The following AGAP1 variants were observed in gnomAD, a reference collection of about 807,000 sequenced individuals.
AGAP1 encodes the protein ArfGAP with GTPase domain, ankyrin repeat and PH domain 1.
A neutral mutation model predicts 105.3 loss-of-function variants in AGAP1; 29 were observed. That is an observed-to-expected ratio of 0.28 (90% confidence interval 0.21 to 0.38). The LOEUF is 0.38. Among genes scored for constraint, AGAP1 ranks in the 10% least tolerant of loss-of-function variants. AGAP1 has a pLI of 1.00. For missense variants in AGAP1, 998 were observed against 1,165.1 expected (o/e 0.86, Z 2.09); for synonymous variants, 509 against 485.9 (o/e 1.05, Z -0.63).
At chr2:236,006,506 G>C (rs2056327912) in intron 13 of AGAP1, among the ~76,000 whole-genome samples, 1 of 152,122 alleles carries the variant, frequency 6.6e-6, no homozygotes, top group African/African-American at 2.4e-5. Flanking sequence ...GTAACCATCT[G>C]TATCTATATT....
rs982231810 is a variant in AGAP1, at chr2:236,080,429, C to A, written c.2114+31148C>A. ...GTTTGCAACCAGACAAGTTTAGAGGCCTGTGGAATTCCCAGGCCAAGGGAA... is the reference window on the plus strand; with the variant it reads ...GTTTGCAACCAGACAAGTTTAGAGGACTGTGGAATTCCCAGGCCAAGGGAA... On this transcript the variant is annotated intron_variant, in intron 16 of 17. Coordinates refer to ENST00000304032, the MANE Select transcript of AGAP1 (RefSeq NM_001037131.3). This position sits in a 1 kb window ranked among gnomAD's most constrained non-coding sequence, Gnocchi z 4.2. 6.6e-5 allele frequency among the ~76,000 whole-genome samples: 10 copies of A among 152,160 alleles called. No homozygotes were observed. The highest frequency in any genetic ancestry group is 5.2e-4 in the Admixed American group (8 of 15,274).
chr2:235,609,609 G>A lies in AGAP1; in HGVS notation c.164-99570G>A, dbSNP rs1338515715. Among the ~76,000 whole-genome samples, 2 of 152,222 alleles carry A rather than the reference G, an allele frequency of 1.3e-5. No individual in the cohort carries two copies. Among genetic ancestry groups the A allele is most frequent in the Non-Finnish European group, 2.9e-5 (2 of 68,024 alleles). On this transcript the variant is annotated intron_variant, in intron 1 of 17. Coordinates refer to ENST00000304032, the MANE Select transcript of AGAP1 (RefSeq NM_001037131.3). The surrounding 1 kb of genome is among the most constrained non-coding windows in gnomAD (Gnocchi z 5.1). ...CCGGACCTGCATGCGCGCTGAGGAT[G>A]GCAGAGGGGCTCCTGCCTGTCTCAG...
Position 235,739,382 on chromosome 2 carries a change from T to A in AGAP1, c.311-1581T>A, listed in dbSNP as rs1952444313. 6.6e-6 allele frequency among the ~76,000 whole-genome samples: 1 copy of A among 152,234 alleles called. No homozygotes were observed. Among genetic ancestry groups the A allele is most frequent in the African/African-American group, 2.4e-5 (1 of 41,464 alleles). On this transcript the variant is annotated intron_variant, in intron 3 of 17. Coordinates refer to ENST00000304032, the MANE Select transcript of AGAP1 (RefSeq NM_001037131.3). This position sits in a 1 kb window ranked among gnomAD's most constrained non-coding sequence, Gnocchi z 5.3. ...ACGAGGACTCTCGATTCAGGGACCC[T>A]GAGTCTTTGGGACCCTCGTGCAGCT...
Position 235,828,991 on chromosome 2 carries a change from T to G in AGAP1, c.1050+21660T>G, listed in dbSNP as rs80120005. On this transcript the variant is annotated intron_variant, in intron 9 of 17. Transcript: ENST00000304032. ...GGTGTCATTGTCTTAAGATGCAGTT[T>G]TGTGGACTGGTACAGAGTTCAGTCT... is the stretch of plus-strand genomic sequence containing the variant. Among the ~76,000 whole-genome samples, 476 of 152,328 alleles carry G rather than the reference T, an allele frequency of 3.1e-3. 6 individuals are homozygous for G. Among genetic ancestry groups the G allele is most frequent in the African/African-American group, 0.011 (461 of 41,586 alleles).
At chr2:235,852,703 C>T in intron 9 of AGAP1, 1 of 1,517,224 alleles carries the variant, frequency 6.6e-7, no homozygotes, top group Non-Finnish European at 8.8e-7. Context: ...CCTTCTTTGT[C>T]CTTGCACTGA....
At chr2:235,833,857 T>TGG (rs200031758) in intron 9 of AGAP1, among the ~76,000 whole-genome samples, 5 of 133,296 alleles carry the variant, frequency 3.8e-5, no homozygotes, top group African/African-American at 1.9e-4. Context: ...CCAATCTGGT[T>TGG]TTTTTTTTTT....
chr2:235,897,851 G>A (rs1406226289), intron 10 of AGAP1, among the ~76,000 whole-genome samples: 1 of 152,144 alleles, frequency 6.6e-6, no homozygotes, highest in Admixed American at 6.5e-5. Context: ...TTGCGGGCTT[G>A]TTGCTGAGGT....
rs1440870906 is a variant in AGAP1 at position 235,625,199 on chromosome 2, C to T, written c.164-83980C>T. Among the ~76,000 whole-genome samples the T allele has an allele frequency of 6.6e-6, 1 of 152,156 alleles. No individual in the cohort carries two copies. The highest frequency in any genetic ancestry group is 1.5e-5 in the Non-Finnish European group (1 of 68,040). ...GGTGTTGCTCTTCTTTCCTTCATGA[C>T]CTTGAACTCTCTGACTCCAGCAGTC... On this transcript the variant is annotated intron_variant, in intron 1 of 17. Transcript: ENST00000304032. The surrounding 1 kb of genome is among the most constrained non-coding windows in gnomAD (Gnocchi z 4.0).
At chr2:235,526,517 T>G (rs1942845378) in intron 1 of AGAP1, among the ~76,000 whole-genome samples, 1 of 152,226 alleles carries the variant, frequency 6.6e-6, no homozygotes, top group African/African-American at 2.4e-5. Flanking sequence ...CATTTGAAAT[T>G]ATAGACTATC....
intron 1 of AGAP1, among the ~76,000 whole-genome samples, chr2:235,546,692 C>T (rs1943632586): frequency 6.6e-6 from 1 of 152,082 alleles, no homozygotes. Flanking sequence ...CTTGTCTTCT[C>T]ACCGGCCGGT....
At chr2:235,745,989 G>A (rs1186389677) in intron 5 of AGAP1, among the ~76,000 whole-genome samples, 1 of 152,198 alleles carries the variant, frequency 6.6e-6, no homozygotes, top group African/African-American at 2.4e-5. Flanking sequence ...AGCCAGGCAT[G>A]GTGGTGCATG....
intron 8 of AGAP1, among the ~76,000 whole-genome samples, chr2:235,802,950 GTGA>G (rs1216608811): frequency 1.4e-4 from 20 of 147,426 alleles, no homozygotes; most frequent in African/African-American, 2.5e-4. Flanking sequence ...TGTAATGGTG[GTGA>G]TGATGGTTGT....
chr2:235,668,347 T>C (rs1457135323), intron 1 of AGAP1, among the ~76,000 whole-genome samples: 1 of 152,220 alleles, frequency 6.6e-6, no homozygotes, highest in Non-Finnish European at 1.5e-5. Context: ...CCACTTCCAG[T>C]GTCGTGAACA....
intron 1 of AGAP1, among the ~76,000 whole-genome samples, chr2:235,667,533 G>A (rs955553999): frequency 2.6e-5 from 4 of 152,126 alleles, no homozygotes; most frequent in Non-Finnish European, 5.9e-5. Context: ...TAGCCCTGGG[G>A]AGGTGCCCTC....
rs546414560 is a variant in AGAP1, at chr2:235,968,770, C to T, written c.1645+147C>T. The stretch of plus-strand genomic sequence containing the variant: ...TGTGCTTTCTGTTTGCAAGGTGGCA[C>T]GAGAGGGCCCTTGGGACCTTTTCAT... On this transcript the variant is annotated intron_variant, in intron 13 of 17. Coordinates refer to ENST00000304032, the MANE Select transcript of AGAP1 (RefSeq NM_001037131.3). The T allele has an allele frequency of 2.5e-5, 20 of 786,204 alleles. No homozygotes were observed. In the East Asian group the frequency reaches 4.7e-4, roughly 18 times the overall value. The allele number at this position is 786,204 out of a possible 1,614,324, so 48.7% of individuals were successfully genotyped here.
chr2:235,773,435 A>G (rs1160832481), intron 6 of AGAP1, among the ~76,000 whole-genome samples: 1 of 152,208 alleles, frequency 6.6e-6, no homozygotes, highest in Non-Finnish European at 1.5e-5. Flanking sequence ...TGTCTGATTG[A>G]TTGGTTGCAG....
chr2:235,961,953 G>A lies in AGAP1; in HGVS notation c.1484-6509G>A, dbSNP rs1044484311. Among the ~76,000 whole-genome samples, 3 of 152,344 alleles carry A rather than the reference G, an allele frequency of 2.0e-5. No homozygotes were observed. The East Asian group carries it at 5.8e-4, about 29-fold the overall frequency. ...GGGTGGGTGAGCATCCATTTCCCAGGGGAGGGGCCCCGCGCCCATGGAGAC... is the reference window on the plus strand; with the variant it reads ...GGGTGGGTGAGCATCCATTTCCCAGAGGAGGGGCCCCGCGCCCATGGAGAC... On this transcript the variant is annotated intron_variant, in intron 12 of 17. Coordinates refer to ENST00000304032, the MANE Select transcript of AGAP1 (RefSeq NM_001037131.3). This position sits in a 1 kb window ranked among gnomAD's most constrained non-coding sequence, Gnocchi z 5.9.
intron 9 of AGAP1, among the ~76,000 whole-genome samples, chr2:235,851,484 C>G (rs1369795725): frequency 6.6e-6 from 1 of 152,216 alleles, no homozygotes; most frequent in East Asian, 1.9e-4. Context: ...GAAAATGGCC[C>G]TCGTTTCAGA....
At chr2:235,786,653 G>A (rs1575462051) in intron 6 of AGAP1, among the ~76,000 whole-genome samples, 1 of 152,168 alleles carries the variant, frequency 6.6e-6, no homozygotes, top group East Asian at 1.9e-4. Flanking sequence ...AACAGCTTCA[G>A]TTGTAATAAG....
Sources: gnomAD v4.1 joint callset for allele counts (sites outside exome capture counted in the v4.1 genomes callset) on GRCh38, gnomAD v4.1.1 for gene constraint, Gnocchi (gnomAD v3.1) non-coding constraint, MANE v1.5 for transcripts, NCBI Gene and HGNC (gene_info 2026-07-23, HGNC 2026-07-21) for gene names.